The following KHDRBS2 variants were observed in gnomAD, a reference collection of about 807,000 sequenced individuals.
KHDRBS2 encodes KH domain-containing, RNA-binding, signal transduction-associated protein 2.
A neutral mutation model predicts 44.3 loss-of-function variants in KHDRBS2; 26 were observed. The observed-to-expected ratio is 0.59, with a 90% CI of 0.43 to 0.81. KHDRBS2 has a LOEUF of 0.81. KHDRBS2 is among the 40% of genes least tolerant of loss of function. The pLI is 0.00. For synonymous variants in KHDRBS2, 194 were observed against 151.1 expected, an observed-to-expected ratio of 1.28 and a Z score of -2.08; for missense variants, 476 against 433.1, an observed-to-expected ratio of 1.10 and a Z score of -0.88.
chr6:62,069,163 A>G (rs1198789029), intron 2 of KHDRBS2, among the ~76,000 whole-genome samples: 5 of 151,612 alleles, frequency 3.3e-5, no homozygotes, highest in Non-Finnish European at 1.5e-5. Context: ...GTCCTCAATG[A>G]CTTAACCACT....
intron 2 of KHDRBS2, among the ~76,000 whole-genome samples, chr6:62,111,404 T>C (rs553970559): frequency 3.3e-5 from 5 of 152,264 alleles, no homozygotes; most frequent in African/African-American, 1.2e-4. Flanking sequence ...ATTCTGTGTG[T>C]TGCCTCTGTC....
At chr6:61,700,287 TTAAGA>T (rs1456097968) in intron 7 of KHDRBS2, among the ~76,000 whole-genome samples, 1 of 151,212 alleles carries the variant, frequency 6.6e-6, no homozygotes, top group Non-Finnish European at 1.5e-5. Context: ...TTTTAATTGC[TTAAGA>T]TAAGAGACAG....
intron 4 of KHDRBS2, among the ~76,000 whole-genome samples, chr6:61,936,988 T>A (rs1048071860): frequency 2.0e-5 from 3 of 152,010 alleles, no homozygotes; most frequent in African/African-American, 7.2e-5. Flanking sequence ...AGTTTTGAAA[T>A]TTTTTTATAA....
At chr6:61,546,962 C>A in the KHDRBS2 span, among the ~76,000 whole-genome samples, 1 of 152,202 alleles carries the variant, frequency 6.6e-6, no homozygotes, top group East Asian at 1.9e-4. Flanking sequence ...TCAGGCAACT[C>A]AGGGTGCAAG....
chr6:61,957,527 G>A (rs896708081), intron 4 of KHDRBS2, among the ~76,000 whole-genome samples: 16 of 152,078 alleles, frequency 1.1e-4, no homozygotes, highest in African/African-American at 2.4e-4. Context: ...TGTCTTTTAC[G>A]GTCATAGCTG....
chr6:61,790,572 G>C (rs7762995), intron 6 of KHDRBS2, among the ~76,000 whole-genome samples: 24,188 of 151,266 alleles, frequency 0.16, 2,433 homozygotes, highest in East Asian at 0.29. Flanking sequence ...TCTGTCCTTG[G>C]GATGAGGTTA....
the KHDRBS2 span, among the ~76,000 whole-genome samples, chr6:61,585,660 T>C: frequency 1.3e-5 from 2 of 152,088 alleles, no homozygotes; most frequent in South Asian, 2.1e-4. Context: ...AAAGAGGTTA[T>C]GGTAAAATTT....
intron 6 of KHDRBS2, among the ~76,000 whole-genome samples, chr6:61,842,398 T>A (rs568714975): frequency 6.6e-6 from 1 of 152,334 alleles, no homozygotes; most frequent in South Asian, 2.1e-4. Flanking sequence ...TTTTGAATAA[T>A]CACAGTCTAT....
the KHDRBS2 span, among the ~76,000 whole-genome samples, chr6:61,673,202 C>T: frequency 6.6e-6 from 1 of 151,994 alleles, no homozygotes. Flanking sequence ...TTCTATTGAT[C>T]TATATCTCTG....
At chr6:61,885,130 C>T (rs1800758095) in intron 6 of KHDRBS2, among the ~76,000 whole-genome samples, 1 of 151,726 alleles carries the variant, frequency 6.6e-6, no homozygotes, top group Non-Finnish European at 1.5e-5. Flanking sequence ...TCAACAAATC[C>T]CTATGCTTTT....
At chr6:61,914,239 T>C (rs183505160) in intron 4 of KHDRBS2, among the ~76,000 whole-genome samples, 1 of 151,406 alleles carries the variant, frequency 6.6e-6, no homozygotes, top group Non-Finnish European at 1.5e-5. Flanking sequence ...ATATGGCAAA[T>C]AATGAAAAAA....
chr6:62,027,189 T>C (rs2127287641), intron 3 of KHDRBS2, among the ~76,000 whole-genome samples: 1 of 152,218 alleles, frequency 6.6e-6, no homozygotes, highest in South Asian at 2.1e-4. Context: ...TGGATTGTAG[T>C]GGTCTTTGTG....
intron 6 of KHDRBS2, among the ~76,000 whole-genome samples, chr6:61,793,644 T>C (rs1357088141): frequency 6.6e-6 from 1 of 152,092 alleles, no homozygotes; most frequent in African/African-American, 2.4e-5. Context: ...TATGGGGGTA[T>C]GTTATATTAT....
intron 2 of KHDRBS2, among the ~76,000 whole-genome samples, chr6:62,112,370 G>A (rs1805204407): frequency 6.6e-6 from 1 of 152,114 alleles, no homozygotes; most frequent in African/African-American, 2.4e-5. Flanking sequence ...CTGTATGTTT[G>A]AGCACCCTTG....
chr6:62,182,298 G>T (rs566236246), intron 1 of KHDRBS2, among the ~76,000 whole-genome samples: 2 of 151,916 alleles, frequency 1.3e-5, no homozygotes, highest in Admixed American at 1.3e-4. Context: ...GTGATGACGG[G>T]GACTGAGAGA....
At chr6:61,994,393 A>G (rs1292187066) in intron 3 of KHDRBS2, among the ~76,000 whole-genome samples, 2 of 152,176 alleles carry the variant, frequency 1.3e-5, no homozygotes, top group Non-Finnish European at 2.9e-5. Context: ...GAAACTAATC[A>G]TTTTCTTAAG....
At chr6:61,759,236 G>A (rs1334228659) in intron 6 of KHDRBS2, among the ~76,000 whole-genome samples, 1 of 152,104 alleles carries the variant, frequency 6.6e-6, no homozygotes, top group Admixed American at 6.6e-5. Context: ...TGGTAACTAT[G>A]AGAGATACTG....
intron 6 of KHDRBS2, among the ~76,000 whole-genome samples, chr6:61,784,204 T>G (rs901151371): frequency 2.0e-5 from 3 of 151,786 alleles, no homozygotes; most frequent in Non-Finnish European, 4.4e-5. Context: ...TCCTAAAAAT[T>G]TTTAGTATTT....
intron 1 of KHDRBS2, among the ~76,000 whole-genome samples, chr6:62,249,606 AC>A (rs934175534): frequency 2.6e-5 from 4 of 152,024 alleles, no homozygotes; most frequent in African/African-American, 9.7e-5. Flanking sequence ...ATAAAATACA[AC>A]AAAAAAACTA....
Sources: gnomAD v4.1 joint callset for allele counts (sites outside exome capture counted in the v4.1 genomes callset) on GRCh38, gnomAD v4.1.1 for gene constraint, MANE v1.5 for transcripts, NCBI Gene and HGNC (gene_info 2026-07-23, HGNC 2026-07-21) for gene names.